SIK3: variants seen among roughly 807,000 people sequenced by gnomAD.
SIK3 encodes serine/threonine-protein kinase SIK3.
A neutral mutation model predicts 144.2 loss-of-function variants in SIK3; 28 were observed. That is an observed-to-expected ratio of 0.19 (90% CI 0.14 to 0.27). The LOEUF is 0.27. Among genes scored for constraint, SIK3 ranks in the 10% least tolerant of loss-of-function variants. SIK3 has a pLI of 1.00. For missense variants in SIK3, 1,319 were observed against 1,776.0 expected (o/e 0.74, Z 4.62); for synonymous variants, 686 against 676.3 (o/e 1.01, Z -0.22).
chr11:116,885,441 T>A (rs1176387052), intron 6 of SIK3, among the ~76,000 whole-genome samples: 1 of 152,120 alleles, frequency 6.6e-6, no homozygotes, highest in East Asian at 1.9e-4. Flanking sequence ...AATTCAGAAA[T>A]CAGGAAATCC....
At chr11:116,856,097 TGA>T (rs1439509681) in intron 21 of SIK3, among the ~76,000 whole-genome samples, 3 of 150,290 alleles carry the variant, frequency 2.0e-5, no homozygotes, top group African/African-American at 7.4e-5. Context: ...CTCGGGAGGC[TGA>T]GGCAGGAGAA....
intron 1 of SIK3, among the ~76,000 whole-genome samples, chr11:117,009,251 A>C (rs1235531355): frequency 7.0e-6 from 1 of 142,792 alleles, no homozygotes; most frequent in Non-Finnish European, 1.5e-5. Context: ...AAAAAAAAAA[A>C]TCTATGATGC....
intron 21 of SIK3, among the ~76,000 whole-genome samples, chr11:116,853,528 G>C (rs1942633865): frequency 6.6e-6 from 1 of 152,194 alleles, no homozygotes; most frequent in Admixed American, 6.5e-5. Context: ...GGGAACTTTG[G>C]GGCAACCTGC....
rs1025546847 is a variant in SIK3, at chr11:117,003,417, T to G, written c.274-46353A>C. On this transcript the variant is annotated intron_variant, in intron 1 of 24. Transcript: ENST00000445177. ...TTAACATCTTAAAGCACAATTTTTC[T>G]AGTATAAAATGAGGGTAATAAAAGT... Among the ~76,000 whole-genome samples the G allele has an allele frequency of 9.9e-5, 15 of 152,264 alleles. No homozygotes were observed. In the South Asian group the frequency reaches 2.9e-3, roughly 29 times the overall value.
intron 1 of SIK3, among the ~76,000 whole-genome samples, chr11:117,006,569 G>A (rs1034635852): frequency 7.2e-5 from 11 of 151,860 alleles, no homozygotes; most frequent in African/African-American, 2.4e-4. Context: ...AGGCAGAGGC[G>A]GGAGGAACCC....
chr11:117,026,173 T>A (rs994575689), intron 1 of SIK3, among the ~76,000 whole-genome samples: 13 of 152,204 alleles, frequency 8.5e-5, no homozygotes, highest in African/African-American at 2.9e-4. Context: ...TGTTTAGCTG[T>A]GTTTAGATAC....
At chr11:116,850,889 G>C (rs1271084285) in intron 21 of SIK3, among the ~76,000 whole-genome samples, 2 of 152,134 alleles carry the variant, frequency 1.3e-5, no homozygotes, top group African/African-American at 4.8e-5. Context: ...TGCACCTGTA[G>C]TCCCAGCTAC....
At chr11:116,944,932 G>T (rs1948506326) in intron 3 of SIK3, among the ~76,000 whole-genome samples, 2 of 151,408 alleles carry the variant, frequency 1.3e-5, no homozygotes, top group Non-Finnish European at 2.9e-5. Context: ...TCAAAACTCA[G>T]TTCCTCAGGG....
intron 21 of SIK3, among the ~76,000 whole-genome samples, chr11:116,852,301 CTGCTGTCTTCCCCGCCTTCAGGTCTGA>C (rs1234941612): frequency 6.6e-6 from 1 of 152,252 alleles, no homozygotes; most frequent in Non-Finnish European, 1.5e-5. Context: ...TCTGCCTTGT[CTGCTGTCTTCCCCGCCTTCAGGTCTGA>C]TGCCTGTAGG....
chr11:116,961,663 T>C lies in SIK3; in HGVS notation c.274-4599A>G, dbSNP rs12275680. 7.6e-3 allele frequency among the ~76,000 whole-genome samples: 1,165 copies of C among 152,350 alleles called. 14 individuals are homozygous for C. The highest frequency in any genetic ancestry group is 0.024 in the African/African-American group (999 of 41,574). On this transcript the variant is annotated intron_variant, in intron 1 of 24. Transcript: ENST00000445177. ...ATAACAAAGCAGAAAACTTCCAACA[T>C]GTTACCAAGAGACCATATATTTCCT...
chr11:116,924,295 C>CA (rs34356087), intron 4 of SIK3, among the ~76,000 whole-genome samples: 363 of 105,260 alleles, frequency 3.4e-3, no homozygotes, highest in Middle Eastern at 0.01. Context: ...GACTCCATCT[C>CA]AAAAAAAAAA....
At chr11:116,871,109 C>A (rs1051713237) in intron 13 of SIK3, among the ~76,000 whole-genome samples, 1 of 152,136 alleles carries the variant, frequency 6.6e-6, no homozygotes, top group East Asian at 1.9e-4. Flanking sequence ...AGTTGTTACT[C>A]GCCAAAACAT....
chr11:116,911,106 C>T (rs1431337132), intron 4 of SIK3, among the ~76,000 whole-genome samples: 1 of 151,958 alleles, frequency 6.6e-6, no homozygotes, highest in Non-Finnish European at 1.5e-5. Flanking sequence ...TGCACTCCAA[C>T]CTGGGTGACA....
chr11:117,056,817 C>T (rs939655019), intron 1 of SIK3, among the ~76,000 whole-genome samples: 1 of 152,084 alleles, frequency 6.6e-6, no homozygotes, highest in Non-Finnish European at 1.5e-5. Flanking sequence ...CAAGGATGGT[C>T]CACCTTTGGC....
At chr11:116,968,173 C>T (rs1431867747) in intron 1 of SIK3, among the ~76,000 whole-genome samples, 2 of 152,104 alleles carry the variant, frequency 1.3e-5, no homozygotes, top group Non-Finnish European at 2.9e-5. Flanking sequence ...GATGGAATCT[C>T]GCTCTGTCTC....
chr11:116,872,798 C>A (rs952098723), intron 13 of SIK3, among the ~76,000 whole-genome samples: 1 of 152,190 alleles, frequency 6.6e-6, no homozygotes, highest in African/African-American at 2.4e-5. Context: ...GTCCTCAAAG[C>A]AGCACTGCCC....
intron 4 of SIK3, among the ~76,000 whole-genome samples, chr11:116,922,900 CTTTTCTCTTTT>C (rs1947066914): frequency 8.1e-6 from 1 of 123,118 alleles, no homozygotes; most frequent in African/African-American, 3.0e-5. Flanking sequence ...TTCTCCTTTT[CTTTTCTCTTTT>C]TTTTTTTTTT....
chr11:116,854,605 T>G (rs747737635), intron 21 of SIK3, among the ~76,000 whole-genome samples: 2 of 152,050 alleles, frequency 1.3e-5, no homozygotes, highest in Non-Finnish European at 2.9e-5. Flanking sequence ...TGCAACACAG[T>G]TGAGATGGAG....
At chr11:116,993,973 A>C (rs1950578671) in intron 1 of SIK3, among the ~76,000 whole-genome samples, 1 of 152,232 alleles carries the variant, frequency 6.6e-6, no homozygotes, top group African/African-American at 2.4e-5. Context: ...GTGTGCATGT[A>C]TTCTTTCAGA....
Sources: gnomAD v4.1 joint callset for allele counts (sites outside exome capture counted in the v4.1 genomes callset) on GRCh38, gnomAD v4.1.1 for gene constraint, MANE v1.5 for transcripts, NCBI Gene and HGNC (gene_info 2026-07-23, HGNC 2026-07-21) for gene names.